The following LRMDA variants were observed in gnomAD, a reference collection of about 807,000 sequenced individuals.
The protein encoded by LRMDA is leucine rich melanocyte differentiation associated, also known as leucine-rich melanocyte differentiation-associated protein.
A neutral mutation model predicts 29.8 loss-of-function variants in LRMDA; 18 were observed. The ratio of observed to expected loss-of-function variants is 0.60; its 90% confidence interval spans 0.42 to 0.90. LRMDA has a LOEUF of 0.90. LRMDA is among the 40% of genes least tolerant of loss of function. The pLI, the probability that LRMDA is intolerant of heterozygous loss-of-function variation, is 0.00. For missense variants in LRMDA, 273 were observed against 273.9 expected (o/e 1.00, Z 0.02); for synonymous variants, 125 against 109.4 (o/e 1.14, Z -0.89).
intron 6 of LRMDA, among the ~76,000 whole-genome samples, chr10:76,365,085 C>CACACATATATATATATATATAT (rs1272382582): frequency 1.4e-5 from 1 of 69,726 alleles, no homozygotes; most frequent in African/African-American, 4.4e-5. Context: ...CACACACACA[C>CACACATATATATATATATATAT]ATATATATAT....
intron 2 of LRMDA, among the ~76,000 whole-genome samples, chr10:75,610,362 C>T (rs1203744344): frequency 1.3e-5 from 2 of 151,630 alleles, no homozygotes; most frequent in African/African-American, 4.8e-5. Flanking sequence ...AAACACACAC[C>T]CCACACACAT....
intron 4 of LRMDA, among the ~76,000 whole-genome samples, chr10:76,050,946 C>T (rs1046732584): frequency 4.6e-5 from 7 of 152,224 alleles, no homozygotes; most frequent in Admixed American, 3.9e-4. Flanking sequence ...CGTTCATCCC[C>T]TCCTGCCACT....
chr10:76,442,204 A>G (rs1589189318), intron 6 of LRMDA, among the ~76,000 whole-genome samples: 1 of 152,224 alleles, frequency 6.6e-6, no homozygotes, highest in African/African-American at 2.4e-5. Context: ...CAAGAAAATT[A>G]TCATTATCCA....
At chr10:76,486,393 T>C (rs1842782767) in intron 6 of LRMDA, among the ~76,000 whole-genome samples, 1 of 151,942 alleles carries the variant, frequency 6.6e-6, no homozygotes, top group Admixed American at 6.6e-5. Context: ...TCTGGATACC[T>C]TCACTGCGGT....
intron 2 of LRMDA, among the ~76,000 whole-genome samples, chr10:75,587,641 G>A (rs1190805314): frequency 6.6e-6 from 1 of 152,200 alleles, no homozygotes; most frequent in Non-Finnish European, 1.5e-5. Flanking sequence ...AGTTGATGAC[G>A]TACTGGTCAA....
chr10:76,010,065 C>A (rs1055213180), intron 2 of LRMDA, among the ~76,000 whole-genome samples: 1 of 152,152 alleles, frequency 6.6e-6, no homozygotes. Context: ...GTTCCCTCCC[C>A]CTGAAGGTGG....
chr10:76,486,404 G>T (rs1362353603), intron 6 of LRMDA, among the ~76,000 whole-genome samples: 4 of 151,862 alleles, frequency 2.6e-5, no homozygotes, highest in Non-Finnish European at 4.4e-5. Context: ...TCACTGCGGT[G>T]GTTTTTGTTT....
intron 6 of LRMDA, among the ~76,000 whole-genome samples, chr10:76,434,485 T>C (rs1344338421): frequency 1.3e-5 from 2 of 152,150 alleles, no homozygotes; most frequent in African/African-American, 4.8e-5. Flanking sequence ...GGAACTGAGG[T>C]TACACAGAAT....
chr10:75,810,203 A>G (rs1843933450), intron 2 of LRMDA, among the ~76,000 whole-genome samples: 1 of 152,228 alleles, frequency 6.6e-6, no homozygotes, highest in African/African-American at 2.4e-5. Flanking sequence ...CCAGGGCAGT[A>G]GAGTTGGTGA....
intron 5 of LRMDA, among the ~76,000 whole-genome samples, chr10:76,213,759 A>C (rs569234384): frequency 7.9e-5 from 12 of 152,246 alleles, no homozygotes; most frequent in African/African-American, 2.9e-4. Flanking sequence ...GAGGTTGCCA[A>C]GAAAAAGTTT....
chr10:75,809,655 C>T (rs1302840846), intron 2 of LRMDA, among the ~76,000 whole-genome samples: 1 of 151,858 alleles, frequency 6.6e-6, no homozygotes, highest in Non-Finnish European at 1.5e-5. Flanking sequence ...AAAACAAAAA[C>T]AAAAAAAGAC....
At position 75,438,490 on chromosome 10, in the gene LRMDA, C is replaced by A; in HGVS notation, c.127C>A (p.Leu43Met). 6.4e-7 allele frequency: 1 copy of A among 1,550,454 alleles called. No individual in the cohort carries two copies. The highest frequency in any genetic ancestry group is 2.4e-5 in the East Asian group (1 of 40,920). ...GAGGCTTGATCTGAGCTTTAACCTT[C>A]TGAGGTATGTAACCTTCACAAGATG... ...AKRLDLSFNLLRSLEGLSAFR... is the reference protein window; with the variant it reads ...AKRLDLSFNLMRSLEGLSAFR... Residue 43 changes from leucine (L) to methionine (M), a missense_variant, in exon 2 of 7, where the codon CTG becomes ATG. Transcript: ENST00000611255.
At chr10:75,540,384 G>A in intron 2 of LRMDA, among the ~76,000 whole-genome samples, 1 of 152,212 alleles carries the variant, frequency 6.6e-6, no homozygotes, top group Admixed American at 6.5e-5. Context: ...GGATTGGCAT[G>A]ATAGGCTTAT....
intron 2 of LRMDA, among the ~76,000 whole-genome samples, chr10:75,657,550 G>T (rs1176252537): frequency 6.6e-6 from 1 of 152,208 alleles, no homozygotes; most frequent in East Asian, 1.9e-4. Context: ...CTTTCTAGTT[G>T]TGTGGCCCTA....
At chr10:75,466,696 T>G (rs1236798852) in intron 2 of LRMDA, among the ~76,000 whole-genome samples, 1 of 152,154 alleles carries the variant, frequency 6.6e-6, no homozygotes, top group Non-Finnish European at 1.5e-5. Context: ...CTCAGCATTT[T>G]CCATCTGAGG....
intron 2 of LRMDA, among the ~76,000 whole-genome samples, chr10:76,025,673 G>T (rs1848051219): frequency 6.6e-6 from 1 of 152,114 alleles, no homozygotes; most frequent in Non-Finnish European, 1.5e-5. Flanking sequence ...TGAGTGCCAG[G>T]ATCAAGTTAT....
At chr10:76,346,882 C>G (rs1353657278) in intron 6 of LRMDA, among the ~76,000 whole-genome samples, 2 of 152,160 alleles carry the variant, frequency 1.3e-5, no homozygotes, top group Admixed American at 6.5e-5. Flanking sequence ...TGCCCCCTCC[C>G]CAATACAATA....
At chr10:75,936,655 A>T (rs1157039548) in intron 2 of LRMDA, among the ~76,000 whole-genome samples, 2 of 152,168 alleles carry the variant, frequency 1.3e-5, no homozygotes, top group African/African-American at 4.8e-5. Flanking sequence ...GCAGTAGGTT[A>T]GGTGTCTGGT....
chr10:75,994,464 C>G (rs538242342), intron 2 of LRMDA, among the ~76,000 whole-genome samples: 1 of 152,314 alleles, frequency 6.6e-6, no homozygotes, highest in African/African-American at 2.4e-5. Flanking sequence ...GAAGGTGATC[C>G]TGCAATCAGT....
Sources: gnomAD v4.1 joint callset for allele counts (sites outside exome capture counted in the v4.1 genomes callset) on GRCh38, gnomAD v4.1.1 for gene constraint, MANE v1.5 for transcripts, NCBI Gene and HGNC (gene_info 2026-07-23, HGNC 2026-07-21) for gene names.